COL4A3: variants seen among roughly 807,000 people sequenced by gnomAD.
The protein encoded by COL4A3 is collagen type IV alpha 3 chain.
A neutral mutation model predicts 217.4 loss-of-function variants in COL4A3; 135 were observed. The observed-to-expected ratio is 0.62, with a 90% confidence interval of 0.54 to 0.72. The LOEUF is 0.72. Among genes scored for constraint, COL4A3 ranks in the 30% least tolerant of loss-of-function variants. COL4A3 has a pLI of 0.00. For synonymous variants in COL4A3, 690 were observed against 736.3 expected (o/e 0.94, Z 1.02); for missense variants, 1,868 against 2,119.9 (o/e 0.88, Z 2.33).
At chr2:227,181,596 C>T (rs1211031356) in intron 1 of COL4A3, among the ~76,000 whole-genome samples, 1 of 152,022 alleles carries the variant, frequency 6.6e-6, no homozygotes, top group Admixed American at 6.6e-5. Flanking sequence ...TGGGGATAAC[C>T]AGTGAGAATA....
intron 20 of COL4A3, among the ~76,000 whole-genome samples, chr2:227,262,290 C>A (rs776110222): frequency 5.3e-5 from 8 of 152,034 alleles, no homozygotes; most frequent in Admixed American, 1.3e-4. Flanking sequence ...CCCTGCCAGG[C>A]CCCTAAGTAA....
rs758013865 is a variant in COL4A3, at chr2:227,277,565, A to G, written c.2125+12A>G. The G allele has an allele frequency of 4.5e-6, 7 of 1,547,284 alleles. No individual in the cohort carries two copies. Among genetic ancestry groups the G allele is most frequent in the Non-Finnish European group, 6.2e-6 (7 of 1,127,166 alleles). ...TCCTGGACCTAAGGGTAAATTTAAA[A>G]TTTTTTCAAACATAAAGTTTGTTGT... On this transcript the variant is annotated intron_variant, in intron 28 of 51. Coordinates refer to ENST00000396578, the MANE Select transcript of COL4A3 (RefSeq NM_000091.5).
At chr2:227,307,369 A>G (rs2073551490) in intron 47 of COL4A3, among the ~76,000 whole-genome samples, 1 of 152,198 alleles carries the variant, frequency 6.6e-6, no homozygotes, top group Non-Finnish European at 1.5e-5. Context: ...TTCCCCCATC[A>G]CATTGTAGGA....
At chr2:227,202,983 A>G (rs1202279482) in intron 1 of COL4A3, among the ~76,000 whole-genome samples, 1 of 9,098 alleles carries the variant, frequency 1.1e-4, no homozygotes, top group Admixed American at 1.4e-3. Flanking sequence ...GTATATATAC[A>G]TATGTGTATA....
rs769739844 is a variant in COL4A3, at chr2:227,251,320, T to C, written c.610-16T>C. The C allele has an allele frequency of 1.4e-5, 23 of 1,612,932 alleles. No homozygotes were observed. The highest frequency in any genetic ancestry group is 1.8e-5 in the Non-Finnish European group (21 of 1,179,794). On this transcript the variant is annotated splice_polypyrimidine_tract_variant and intron_variant, in intron 10 of 51. Transcript: ENST00000396578. ...ATGCATTTCCTGCTGTGATTTTCAT[T>C]TGTGGATTTTTCTAGGGCTTTCCAG...
Position 227,310,762 on chromosome 2 carries a change from TA to T in COL4A3, c.4756-10del. ...TGGACAGAGTGTTTATTCAGATTTT[TA>T]AAATTGTGGTAGTTCACAAGTGCAG... On this transcript the variant is annotated splice_polypyrimidine_tract_variant and intron_variant, in intron 50 of 51. Transcript: ENST00000396578. The T allele has an allele frequency of 1.2e-6, 2 of 1,613,042 alleles. No individual in the cohort carries two copies. The highest frequency in any genetic ancestry group is 8.5e-7 in the Non-Finnish European group (1 of 1,179,088).
rs946624999 is a variant in COL4A3, at chr2:227,245,926, T to G, written c.325-28T>G. 3.1e-6 allele frequency: 5 copies of G among 1,594,592 alleles called. No homozygotes were observed. In the African/African-American group the frequency reaches 6.7e-5, roughly 21 times the overall value. The stretch of plus-strand genomic sequence containing the variant: ...TCAGTGCTGTTTCTTGGGATGACCC[T>G]CCTCATTGAGACTTGTTCTTCTTCC... On this transcript the variant is annotated intron_variant, in intron 5 of 51. Coordinates refer to ENST00000396578, the MANE Select transcript of COL4A3 (RefSeq NM_000091.5).
rs1330826452 is a variant in COL4A3 at position 227,238,033 on chromosome 2, A to G, written c.144+9A>G. Reference sequence around the variant, plus strand: ...GGGCCAAAGGGGAGAAGGTAAAAACAAACCCTAATACTGCTTGTTTACACT... The same window carrying G: ...GGGCCAAAGGGGAGAAGGTAAAAACGAACCCTAATACTGCTTGTTTACACT... On this transcript the variant is annotated intron_variant, in intron 2 of 51. Transcript: ENST00000396578. 1 of 1,571,960 alleles carries G rather than the reference A, an allele frequency of 6.4e-7. No homozygotes were observed. Among genetic ancestry groups the G allele is most frequent in the Admixed American group, 1.7e-5 (1 of 59,940 alleles).
At chr2:227,218,703 AAAGT>A in intron 1 of COL4A3, among the ~76,000 whole-genome samples, 1 of 152,340 alleles carries the variant, frequency 6.6e-6, no homozygotes, top group Middle Eastern at 3.4e-3. Flanking sequence ...TATTAAAAGA[AAAGT>A]AAAGCACATA....
At chr2:227,166,679 T>G (rs2065290447) in intron 1 of COL4A3, among the ~76,000 whole-genome samples, 1 of 152,244 alleles carries the variant, frequency 6.6e-6, no homozygotes, top group Non-Finnish European at 1.5e-5. Context: ...TTGAAGTAAG[T>G]CTTTCATTAA....
chr2:227,253,686 A>G lies in COL4A3; in HGVS notation c.765+48A>G. On this transcript the variant is annotated intron_variant, in intron 13 of 51. Transcript: ENST00000396578. This position sits in a 1 kb window ranked among gnomAD's most constrained non-coding sequence, Gnocchi z 4.4. ...AGTGTTGTGCCTTCCCGTGTCTAGG[A>G]TGAAGTCCTTGTGACCCTGCACCTC... The G allele has an allele frequency of 6.6e-7, 1 of 1,506,458 alleles. No individual in the cohort carries two copies. The highest frequency in any genetic ancestry group is 9.2e-7 in the Non-Finnish European group (1 of 1,081,830). The allele number at this position is 1,506,458 out of a possible 1,614,324, so 93.3% of individuals were successfully genotyped here.
chr2:227,255,830 T>C (rs577471418), intron 15 of COL4A3, among the ~76,000 whole-genome samples, 196 bp from the exon 16 acceptor site: 13 of 152,338 alleles, frequency 8.5e-5, no homozygotes, highest in Admixed American at 7.8e-4. Context: ...GACTGGCTTC[T>C]GCTTTCCCTG....
intron 43 of COL4A3, 108 bp from the exon 44 acceptor site, chr2:227,302,930 T>C: frequency 1.4e-6 from 1 of 736,668 alleles, no homozygotes; most frequent in Admixed American, 2.0e-5. Context: ...CTTCAGCTTA[T>C]TCTCACCCAA....
chr2:227,314,710 T>C lies in COL4A3; in HGVS notation c.*2840T>C, dbSNP rs1430989656. On this transcript the variant is annotated 3_prime_UTR_variant, in exon 52 of 52. Coordinates refer to ENST00000396578, the MANE Select transcript of COL4A3 (RefSeq NM_000091.5). ...GTTATATCCTGACAAGATTATAATA[T>C]TTTAATGTACTAATATTTCTGTAAT... The C allele has an allele frequency of 6.6e-6, 1 of 151,914 alleles. No homozygotes were observed. The highest frequency in any genetic ancestry group is 1.9e-4 in the East Asian group (1 of 5,202). The allele number at this position is 151,914 out of a possible 1,614,324, so 9.4% of individuals were successfully genotyped here.
intron 37 of COL4A3, among the ~76,000 whole-genome samples, chr2:227,291,596 A>C (rs1218815933): frequency 7.1e-6 from 1 of 141,718 alleles, no homozygotes; most frequent in Non-Finnish European, 1.5e-5. Context: ...AAAAAAACAA[A>C]AAAAAAAACA....
intron 43 of COL4A3, among the ~76,000 whole-genome samples, chr2:227,301,087 G>C (rs576908587): frequency 6.6e-6 from 1 of 152,090 alleles, no homozygotes; most frequent in African/African-American, 2.4e-5. Flanking sequence ...GACATCACTT[G>C]CTGATCCAAG....
Position 227,312,434 on chromosome 2 carries a change from C to G in COL4A3, c.*564C>G, listed in dbSNP as rs1574846805. ...ACTGAGGTTCATGGATTTTCCAGGA[C>G]TGTTTCAAACATGCCCATTACTAAC... On this transcript the variant is annotated 3_prime_UTR_variant, in exon 52 of 52. Transcript: ENST00000396578. The G allele has an allele frequency of 6.5e-6, 1 of 153,422 alleles. No individual in the cohort carries two copies. The highest frequency in any genetic ancestry group is 1.9e-4 in the East Asian group (1 of 5,234). The allele number at this position is 153,422 out of a possible 1,614,324, so 9.5% of individuals were successfully genotyped here.
intron 1 of COL4A3, among the ~76,000 whole-genome samples, chr2:227,208,075 G>T (rs181774784): frequency 2.7e-4 from 39 of 141,854 alleles, no homozygotes; most frequent in African/African-American, 1.0e-3. Context: ...AATTATGACA[G>T]TGAAATAAAT....
At chr2:227,235,552 C>T (rs1056098328) in intron 1 of COL4A3, among the ~76,000 whole-genome samples, 1 of 152,178 alleles carries the variant, frequency 6.6e-6, no homozygotes, top group African/African-American at 2.4e-5. Context: ...ATCACCCAAA[C>T]AGTGTACACT....
Sources: allele counts gnomAD v4.1 joint callset (sites outside exome capture counted in the v4.1 genomes callset), GRCh38; gene constraint gnomAD v4.1.1; non-coding constraint Gnocchi (gnomAD v3.1); transcripts MANE v1.5; gene names NCBI Gene and HGNC (gene_info 2026-07-23, HGNC 2026-07-21).